Variants in MAGI2 observed in about 807,000 individuals in gnomAD.
MAGI2 encodes the protein membrane-associated guanylate kinase, WW and PDZ domain-containing protein 2.
MAGI2 carries 35 observed loss-of-function variants against 133.3 expected under a neutral mutation model. That is an observed-to-expected ratio of 0.26 (90% CI 0.20 to 0.35). The LOEUF (loss-of-function observed/expected upper bound fraction) is 0.35, where lower values mean the gene tolerates loss of function less well. Among genes scored for constraint, MAGI2 ranks in the 10% least tolerant of loss-of-function variants. The probability of loss-of-function intolerance (pLI) is 1.00; values close to 1 mark genes in which losing one functional copy is unlikely to be tolerated. For missense variants in MAGI2, 1,636 were observed against 1,863.4 expected (o/e 0.88, Z 2.25); for synonymous variants, 729 against 710.6 (o/e 1.03, Z -0.41).
At chr7:79,185,863 A>G (rs1827040506) in intron 1 of MAGI2, among the ~76,000 whole-genome samples, 1 of 151,780 alleles carries the variant, frequency 6.6e-6, no homozygotes, top group Non-Finnish European at 1.5e-5. Context: ...CATCCGTGAC[A>G]GAACTAAAAT....
chr7:78,336,958 C>T (rs368506853), intron 9 of MAGI2, among the ~76,000 whole-genome samples: 3 of 152,224 alleles, frequency 2.0e-5, no homozygotes, highest in East Asian at 1.9e-4. Context: ...TATGGAAGCA[C>T]TTCATGAATA....
At chr7:78,690,034 G>C (rs561307167) in intron 2 of MAGI2, among the ~76,000 whole-genome samples, 1 of 152,138 alleles carries the variant, frequency 6.6e-6, no homozygotes, top group African/African-American at 2.4e-5. Context: ...ATCATGTTTT[G>C]CAAGAGTTAT....
At chr7:78,192,172 T>C (rs1309393894) in intron 12 of MAGI2, among the ~76,000 whole-genome samples, 1 of 152,168 alleles carries the variant, frequency 6.6e-6, no homozygotes, top group Non-Finnish European at 1.5e-5. Context: ...AAGGACTTAG[T>C]TTAAACAGCT....
chr7:78,232,591 A>T (rs1298055976), intron 10 of MAGI2, among the ~76,000 whole-genome samples: 4 of 152,208 alleles, frequency 2.6e-5, no homozygotes, highest in Non-Finnish European at 4.4e-5. Context: ...GGCATCTTCC[A>T]GTCCAGAAAG....
chr7:79,229,796 T>A (rs1239050310), intron 1 of MAGI2, among the ~76,000 whole-genome samples: 1 of 152,024 alleles, frequency 6.6e-6, no homozygotes, highest in Non-Finnish European at 1.5e-5. Flanking sequence ...TTTTAAAAAT[T>A]TTTTTTTATT....
intron 2 of MAGI2, among the ~76,000 whole-genome samples, chr7:78,890,646 G>T (rs1433512401): frequency 6.6e-6 from 1 of 152,110 alleles, no homozygotes; most frequent in Non-Finnish European, 1.5e-5. Context: ...ATAACGAAAT[G>T]AAGGCAGAAA....
At chr7:79,049,074 A>G (rs1253661742) in intron 1 of MAGI2, among the ~76,000 whole-genome samples, 1 of 152,216 alleles carries the variant, frequency 6.6e-6, no homozygotes, top group East Asian at 1.9e-4. Flanking sequence ...GGTCCATAGG[A>G]GTGACATGCT....
At chr7:79,252,078 G>A (rs150986630) in intron 1 of MAGI2, among the ~76,000 whole-genome samples, 2 of 148,772 alleles carry the variant, frequency 1.3e-5, no homozygotes, top group African/African-American at 5.0e-5. Flanking sequence ...GATTGCTTGA[G>A]CCTGGGAGGT....
In MAGI2 at chr7:78,752,846, C is replaced by T. The variant is rs138898488; in HGVS notation, c.419-125607G>A. ...CTCAAATTCTGCATTTAAATTCTGT[C>T]CAAATATCTGGCTAAGTCCTGAACT... is the stretch of plus-strand genomic sequence containing the variant. On this transcript the variant is annotated intron_variant, in intron 2 of 21. Transcript: ENST00000354212. Among the ~76,000 whole-genome samples, 127 of 152,254 alleles carry T rather than the reference C, an allele frequency of 8.3e-4. 1 individual carries two copies. The highest frequency in any genetic ancestry group is 1.4e-3 in the Non-Finnish European group (97 of 68,022).
At chr7:78,592,126 C>G (rs1270604549) in intron 3 of MAGI2, among the ~76,000 whole-genome samples, 1 of 152,122 alleles carries the variant, frequency 6.6e-6, no homozygotes, top group Non-Finnish European at 1.5e-5. Context: ...ACAGTGAACA[C>G]AAGGAAAGAA....
Position 79,227,058 on chromosome 7 carries a change from G to A in MAGI2, c.302-219852C>T, listed in dbSNP as rs540069191. Among the ~76,000 whole-genome samples, 15 of 152,228 alleles carry A rather than the reference G, an allele frequency of 9.9e-5. No homozygotes were observed. The South Asian group carries it at 2.5e-3, about 25-fold the overall frequency. On this transcript the variant is annotated intron_variant, in intron 1 of 21. Coordinates refer to ENST00000354212, the MANE Select transcript of MAGI2 (RefSeq NM_012301.4). ...AAGCATTTATTTTTGCACTTAAACA[G>A]TCAATATTTAATCAGTAGGTTAAAC...
At chr7:78,936,563 C>A (rs945399550) in intron 2 of MAGI2, among the ~76,000 whole-genome samples, 7 of 151,880 alleles carry the variant, frequency 4.6e-5, no homozygotes, top group Non-Finnish European at 7.4e-5. Context: ...TTGATGCCAA[C>A]AAAACCTGAA....
chr7:79,149,106 ATAT>A (rs534568707), intron 1 of MAGI2, among the ~76,000 whole-genome samples: 2 of 144,258 alleles, frequency 1.4e-5, no homozygotes, highest in East Asian at 3.9e-4. Flanking sequence ...GTAATATAAT[ATAT>A]TATATTATAT....
intron 2 of MAGI2, among the ~76,000 whole-genome samples, chr7:78,957,264 C>CAAAAAAAAAAA (rs1187620956): frequency 3.1e-4 from 13 of 42,432 alleles, no homozygotes; most frequent in South Asian, 1.0e-3. Context: ...GACTCCATCT[C>CAAAAAAAAAAA]AAAAAAAAAA....
At chr7:78,364,342 A>G (rs1315818897) in intron 7 of MAGI2, among the ~76,000 whole-genome samples, 1 of 152,238 alleles carries the variant, frequency 6.6e-6, no homozygotes. Context: ...TTATTAAGAT[A>G]AGATATTGAG....
intron 2 of MAGI2, among the ~76,000 whole-genome samples, chr7:78,985,702 C>T (rs1805193321): frequency 6.6e-6 from 1 of 152,028 alleles, no homozygotes; most frequent in South Asian, 2.1e-4. Flanking sequence ...GCGCCATCTA[C>T]CGTACACTGG....
At chr7:78,519,082 A>G (rs1182375998) in intron 4 of MAGI2, 1 of 150,618 alleles carries the variant, frequency 6.6e-6, no homozygotes, top group African/African-American at 2.5e-5. Context: ...TGTCTGGTGA[A>G]TGTGAAGAAT....
chr7:78,685,327 T>C (rs532573725), intron 2 of MAGI2, among the ~76,000 whole-genome samples: 6 of 152,342 alleles, frequency 3.9e-5, no homozygotes, highest in South Asian at 4.1e-4. Flanking sequence ...TTTTGGATCA[T>C]TCTCAAGTGT....
At chr7:78,582,942 C>T (rs554969340) in intron 3 of MAGI2, among the ~76,000 whole-genome samples, 2 of 152,258 alleles carry the variant, frequency 1.3e-5, no homozygotes, top group South Asian at 4.1e-4. Context: ...TTTCCTTATT[C>T]GTCAAAGTAT....
Sources: allele counts gnomAD v4.1 joint callset (sites outside exome capture counted in the v4.1 genomes callset), GRCh38; gene constraint gnomAD v4.1.1; transcripts MANE v1.5; gene names NCBI Gene and HGNC (gene_info 2026-07-23, HGNC 2026-07-21).